The following CTNNA1 variants were observed in gnomAD, a reference collection of about 807,000 sequenced individuals.
CTNNA1 encodes catenin alpha 1, also known as catenin alpha-1.
In CTNNA1, 37 loss-of-function variants were observed where a neutral mutation model predicts 98.4. That is an observed-to-expected ratio of 0.38 (90% CI 0.29 to 0.49). The LOEUF (loss-of-function observed/expected upper bound fraction) is 0.49, where lower values mean the gene tolerates loss of function less well. CTNNA1 is among the 20% of genes least tolerant of loss of function. CTNNA1 has a pLI of 0.95. For synonymous variants in CTNNA1, 404 were observed against 413.2 expected (o/e 0.98, Z 0.27); for missense variants, 761 against 1,147.2 (o/e 0.66, Z 4.86).
intron 8 of CTNNA1, among the ~76,000 whole-genome samples, chr5:138,886,853 T>C (rs1754156972): frequency 6.6e-6 from 1 of 152,160 alleles, no homozygotes; most frequent in Non-Finnish European, 1.5e-5. Context: ...TTAAAGAAGT[T>C]AGAGTTGATT....
At chr5:138,912,305 C>A (rs2150194728) in intron 10 of CTNNA1, among the ~76,000 whole-genome samples, 1 of 152,036 alleles carries the variant, frequency 6.6e-6, no homozygotes, top group South Asian at 2.1e-4. Context: ...ATGAGATTGC[C>A]CAGGGGTGGG....
chr5:138,885,598 G>C (rs1450697257), intron 7 of CTNNA1, among the ~76,000 whole-genome samples: 1 of 152,170 alleles, frequency 6.6e-6, no homozygotes, highest in Non-Finnish European at 1.5e-5. Flanking sequence ...CACTTCAAGA[G>C]TGACTAGCGG....
intron 9 of CTNNA1, among the ~76,000 whole-genome samples, chr5:138,891,707 C>T (rs1162533587): frequency 2.0e-5 from 3 of 152,080 alleles, no homozygotes; most frequent in Admixed American, 6.5e-5. Flanking sequence ...TGCAGTCAAC[C>T]GAGGTTGTGC....
At chr5:138,810,345 T>A (rs1049536015) in intron 4 of CTNNA1, 141 bp downstream of exon 4, 1 of 825,506 alleles carries the variant, frequency 1.2e-6, no homozygotes, top group Non-Finnish European at 1.9e-6. Flanking sequence ...TTTGTTTAAT[T>A]TCCACTTACT....
At chr5:138,906,648 A>G (rs1003399666) in intron 10 of CTNNA1, among the ~76,000 whole-genome samples, 2 of 152,236 alleles carry the variant, frequency 1.3e-5, no homozygotes, top group African/African-American at 4.8e-5. Context: ...TGAGTTAGCC[A>G]TCAGAAAGCA....
intron 7 of CTNNA1, chr5:138,871,382 G>C (rs906950061): frequency 3.9e-5 from 6 of 152,098 alleles, no homozygotes; most frequent in Non-Finnish European, 8.8e-5. Flanking sequence ...GAAAAGTTCT[G>C]TGTGAATGAG....
intron 9 of CTNNA1, among the ~76,000 whole-genome samples, chr5:138,895,566 T>G (rs936680006): frequency 1.2e-4 from 18 of 151,928 alleles, no homozygotes; most frequent in African/African-American, 4.1e-4. Flanking sequence ...CTTCCTGTAT[T>G]TGAGGGAGAA....
At chr5:138,826,875 G>A (rs964964221) in intron 6 of CTNNA1, among the ~76,000 whole-genome samples, 2 of 152,200 alleles carry the variant, frequency 1.3e-5, no homozygotes, top group Non-Finnish European at 2.9e-5. Context: ...ATAGCTCACT[G>A]CAGCCTTGAA....
intron 1 of CTNNA1, among the ~76,000 whole-genome samples, chr5:138,777,147 G>A (rs1194159341): frequency 1.3e-5 from 2 of 151,538 alleles, no homozygotes; most frequent in Non-Finnish European, 2.9e-5. Context: ...CAGACGGGGC[G>A]GCTGGGCAGA....
At chr5:138,781,467 A>G (rs555286949) in intron 1 of CTNNA1, among the ~76,000 whole-genome samples, 1 of 151,952 alleles carries the variant, frequency 6.6e-6, no homozygotes, top group East Asian at 1.9e-4. Context: ...GAGGCCAGAG[A>G]ATGGCGTGAA....
chr5:138,778,344 G>C (rs115436096), intron 1 of CTNNA1, among the ~76,000 whole-genome samples: 1 of 152,206 alleles, frequency 6.6e-6, no homozygotes, highest in East Asian at 1.9e-4. Flanking sequence ...ATCGTCTCAC[G>C]CTTTGAATTT....
chr5:138,879,217 C>G (rs1270499998), intron 7 of CTNNA1, among the ~76,000 whole-genome samples: 1 of 145,124 alleles, frequency 6.9e-6, no homozygotes, highest in South Asian at 2.2e-4. Context: ...GGGTGGAGGT[C>G]CTAGATGTTG....
chr5:138,800,798 C>T (rs909502131), intron 3 of CTNNA1, among the ~76,000 whole-genome samples: 11 of 151,772 alleles, frequency 7.2e-5, no homozygotes, highest in African/African-American at 1.5e-4. Context: ...AGCAAAACTC[C>T]GTCTAAAAAA....
intron 7 of CTNNA1, among the ~76,000 whole-genome samples, chr5:138,832,715 C>A (rs1245694721): frequency 1.3e-5 from 2 of 152,032 alleles, no homozygotes; most frequent in Non-Finnish European, 2.9e-5. Flanking sequence ...AGTTTTAATT[C>A]TCTCAGTGTT....
At chr5:138,812,767 G>T (rs946608558) in intron 5 of CTNNA1, among the ~76,000 whole-genome samples, 6 of 152,110 alleles carry the variant, frequency 3.9e-5, no homozygotes, top group Non-Finnish European at 8.8e-5. Context: ...TCCATTGTGT[G>T]GCATGAGGAT....
chr5:138,887,735 G>A lies in CTNNA1; in HGVS notation c.1296+93G>A, dbSNP rs1425697831. On this transcript the variant is annotated intron_variant, in intron 9 of 17. Transcript: ENST00000302763. ...TATTTAATCAGTTAAAATTTGTAAG[G>A]GCTCGCTTAACATACAACATGTCTG... The A allele has an allele frequency of 7.6e-6, 8 of 1,046,672 alleles. 1 individual carries two copies. Among genetic ancestry groups the A allele is most frequent in the Non-Finnish European group, 1.1e-5 (8 of 712,952 alleles). The allele number at this position is 1,046,672 out of a possible 1,614,324, so 64.8% of individuals were successfully genotyped here. A position where few individuals can be genotyped will look rare whatever the true frequency, so the allele number is the denominator to read the frequency against.
intron 5 of CTNNA1, among the ~76,000 whole-genome samples, chr5:138,816,136 T>G (rs922605337): frequency 6.6e-6 from 1 of 152,234 alleles, no homozygotes; most frequent in African/African-American, 2.4e-5. Flanking sequence ...TGAGAACATG[T>G]GGTATTTATC....
intron 7 of CTNNA1, among the ~76,000 whole-genome samples, chr5:138,883,158 C>T (rs58468579): frequency 0.013 from 1,974 of 152,250 alleles, 49 homozygotes; most frequent in African/African-American, 0.04. Context: ...TGAGCCACCG[C>T]GCCTGGCAGA....
chr5:138,906,316 C>T (rs1460341120), intron 10 of CTNNA1, among the ~76,000 whole-genome samples: 1 of 152,196 alleles, frequency 6.6e-6, no homozygotes, highest in Non-Finnish European at 1.5e-5. Flanking sequence ...CCAATCACCA[C>T]ATCCAGAAGG....
Sources: gnomAD v4.1 joint callset for allele counts (sites outside exome capture counted in the v4.1 genomes callset) on GRCh38, gnomAD v4.1.1 for gene constraint, MANE v1.5 for transcripts, NCBI Gene and HGNC (gene_info 2026-07-23, HGNC 2026-07-21) for gene names.